The following FGFR1OP2 variants were observed in gnomAD, a reference collection of about 807,000 sequenced individuals.
FGFR1OP2 encodes the protein FGFR1 oncogene partner 2, also known as fibroblast growth factor receptor 1 oncogene partner 2.
A neutral mutation model predicts 35.2 loss-of-function variants in FGFR1OP2; 17 were observed. The observed-to-expected ratio is 0.48, with a 90% CI of 0.33 to 0.73. The LOEUF is 0.73. Among genes scored for constraint, FGFR1OP2 ranks in the 30% least tolerant of loss-of-function variants. The pLI, the probability that FGFR1OP2 is intolerant of heterozygous loss-of-function variation, is 0.02. For synonymous variants in FGFR1OP2, 105 were observed against 104.6 expected (o/e 1.00, Z -0.03); for missense variants, 251 against 307.3 (o/e 0.82, Z 1.37).
chr12:26,939,675 C>G (rs894396090), intron 1 of FGFR1OP2, among the ~76,000 whole-genome samples: 3 of 152,200 alleles, frequency 2.0e-5, no homozygotes, highest in Admixed American at 1.3e-4. Context: ...GCATTTGAAA[C>G]TTTTCTTCTG....
intron 1 of FGFR1OP2, among the ~76,000 whole-genome samples, chr12:26,950,411 A>G (rs2136352716): frequency 6.6e-6 from 1 of 151,434 alleles, no homozygotes; most frequent in Middle Eastern, 3.4e-3. Context: ...TATTTTTAGT[A>G]GAGACGGAGT....
At chr12:26,957,951 C>A in intron 4 of FGFR1OP2, 1 of 414,038 alleles carries the variant, frequency 2.4e-6, no homozygotes, top group Non-Finnish European at 4.2e-6. Flanking sequence ...TTTATAAACT[C>A]TCACTGTTTC....
chr12:26,942,008 T>C (rs1938742566), intron 1 of FGFR1OP2, among the ~76,000 whole-genome samples: 1 of 152,184 alleles, frequency 6.6e-6, no homozygotes, highest in African/African-American at 2.4e-5. Flanking sequence ...TTTCCTTGCT[T>C]TGTGGTGCTG....
intron 1 of FGFR1OP2, among the ~76,000 whole-genome samples, chr12:26,951,456 A>G (rs1254942548): frequency 6.6e-6 from 1 of 152,182 alleles, no homozygotes; most frequent in Non-Finnish European, 1.5e-5. Context: ...AGTAGCTGGT[A>G]TCACAGGTGT....
intron 1 of FGFR1OP2, among the ~76,000 whole-genome samples, chr12:26,946,856 T>C (rs1938832252): frequency 6.6e-6 from 1 of 152,216 alleles, no homozygotes; most frequent in African/African-American, 2.4e-5. Flanking sequence ...CCCTCAGTCC[T>C]AGACATCCAC....
intron 1 of FGFR1OP2, among the ~76,000 whole-genome samples, chr12:26,943,048 A>AT (rs747909833): frequency 6.6e-6 from 1 of 152,000 alleles, no homozygotes; most frequent in Non-Finnish European, 1.5e-5. Flanking sequence ...ATTTTCTCTT[A>AT]TTTTTTTCCT....
rs570670515 is a variant in FGFR1OP2, at chr12:26,956,081, G to A, written c.136-462G>A. ...AGCATTAGTGTATTTTATGTGCAGC[G>A]TGATAATTCTTCTTCCGATGTGCCC... On this transcript the variant is annotated intron_variant, in intron 2 of 6. Transcript: ENST00000229395. 7.9e-5 allele frequency among the ~76,000 whole-genome samples: 12 copies of A among 152,056 alleles called. No individual in the cohort carries two copies. The South Asian group carries it at 1.9e-3, about 24-fold the overall frequency.
chr12:26,944,945 T>C (rs1402675086), intron 1 of FGFR1OP2, among the ~76,000 whole-genome samples: 1 of 152,152 alleles, frequency 6.6e-6, no homozygotes, highest in Non-Finnish European at 1.5e-5. Flanking sequence ...TTATGTAGTT[T>C]GTGTTTTTTG....
At chr12:26,947,538 C>T (rs934078376) in intron 1 of FGFR1OP2, among the ~76,000 whole-genome samples, 2 of 152,234 alleles carry the variant, frequency 1.3e-5, no homozygotes, top group South Asian at 2.1e-4. Context: ...TGTGCCACCA[C>T]ACCCAGCTAA....
At chr12:26,955,774 A>G (rs867205006) in intron 2 of FGFR1OP2, among the ~76,000 whole-genome samples, 6 of 152,244 alleles carry the variant, frequency 3.9e-5, no homozygotes, top group African/African-American at 1.2e-4. Flanking sequence ...ATATGCTGCT[A>G]TGAATATTTG....
chr12:26,964,853 C>CCTG lies in FGFR1OP2; in HGVS notation c.*120_*121insCTG. 9.8e-7 allele frequency: 1 copy of CCTG among 1,021,604 alleles called. No homozygotes were observed. The highest frequency in any genetic ancestry group is 2.0e-5 in the South Asian group (1 of 50,914). 63.3% of individuals were successfully genotyped at this position (1,021,604 alleles called of 1,614,324 possible). A position where few individuals can be genotyped will look rare whatever the true frequency, so the allele number is the denominator to read the frequency against. ...TCTGTAAATATGTACAGTGCACGGG[C>CCTG]TATGAGATAGCAACAAAAAATGCAT... On this transcript the variant is annotated 3_prime_UTR_variant, in exon 7 of 7. Coordinates refer to ENST00000229395, the MANE Select transcript of FGFR1OP2 (RefSeq NM_015633.3).
chr12:26,962,250 G>A (rs1196505787), intron 5 of FGFR1OP2: 1 of 152,180 alleles, frequency 6.6e-6, no homozygotes, highest in Non-Finnish European at 1.5e-5. Context: ...CCCATGAAAA[G>A]GACCTACATT....
chr12:26,955,380 T>C (rs1247414437), intron 2 of FGFR1OP2, among the ~76,000 whole-genome samples: 1 of 152,256 alleles, frequency 6.6e-6, no homozygotes, highest in East Asian at 1.9e-4. Flanking sequence ...GTACAGTTCA[T>C]TGGATTTTAG....
rs191273972 is a variant in FGFR1OP2, at chr12:26,939,258, G to A, written c.-15+548G>A. On this transcript the variant is annotated intron_variant, in intron 1 of 6. Transcript: ENST00000229395. ...ATTATTTTTTTTTTCGCCAGAATTA[G>A]TGCGGTTGCCCCCTCTGCCCCCCGC... is the stretch of plus-strand genomic sequence containing the variant. 5.7e-4 allele frequency among the ~76,000 whole-genome samples: 86 copies of A among 151,226 alleles called. 1 individual carries two copies. In the Middle Eastern group the frequency reaches 0.01, roughly 18 times the overall value.
At chr12:26,945,766 C>A (rs1442454695) in intron 1 of FGFR1OP2, among the ~76,000 whole-genome samples, 1 of 150,504 alleles carries the variant, frequency 6.6e-6, no homozygotes, top group South Asian at 2.1e-4. Context: ...GAGGCTGAGG[C>A]AGGAGAACCG....
At position 26,949,231 on chromosome 12, in the gene FGFR1OP2, G is replaced by A. The variant is rs185457264; in HGVS notation, c.-14-4914G>A. On this transcript the variant is annotated intron_variant, in intron 1 of 6. Coordinates refer to ENST00000229395, the MANE Select transcript of FGFR1OP2 (RefSeq NM_015633.3). ...GCTCACTGCAACCTCCACCTCCCAG[G>A]TACAAGCGATTCTCCTGTCTTGGCC... Among the ~76,000 whole-genome samples the A allele has an allele frequency of 2.0e-4, 30 of 152,116 alleles. No individual in the cohort carries two copies. The East Asian group carries it at 2.7e-3, about 14-fold the overall frequency.
rs374908671 is a variant in FGFR1OP2, at chr12:26,964,732, G to A, written c.761G>A (p.Ter254=). The A allele has an allele frequency of 3.7e-6, 6 of 1,609,774 alleles. No homozygotes were observed. ...AGTGATTTGAGTCTGAGGAAGAGCT[G>A]AAGAGTTTCTGAGTCTGTGAGCTTC... ...TNSDLSLRKS[*] is the part of the protein sequence containing the mutation. Residue 254 remains the stop codon, a stop_retained_variant, in exon 7 of 7, where the codon TGA becomes TAA. Transcript: ENST00000229395.
In FGFR1OP2 at chr12:26,956,532, T is replaced by TC. The variant is rs1412224432; in HGVS notation, c.136-6dup. 7.2e-7 allele frequency: 1 copy of TC among 1,391,858 alleles called. No homozygotes were observed. Among genetic ancestry groups the TC allele is most frequent in the African/African-American group, 1.5e-5 (1 of 68,802 alleles). 86.2% of individuals were successfully genotyped at this position (1,391,858 alleles called of 1,614,324 possible). A position where few individuals can be genotyped will look rare whatever the true frequency, so the allele number is the denominator to read the frequency against. On this transcript the variant is annotated splice_polypyrimidine_tract_variant and intron_variant, in intron 2 of 6. Transcript: ENST00000229395. The stretch of plus-strand genomic sequence containing the variant: ...GGTATTTTCATCCCACATGTTTTTC[T>TC]CCCCCATTAGTATCAGGAAGAAATT...
rs1235641794 is a variant in FGFR1OP2 at position 26,964,586 on chromosome 12, T to G, written c.625-10T>G. On this transcript the variant is annotated splice_polypyrimidine_tract_variant and intron_variant, in intron 6 of 6. Transcript: ENST00000229395. ...TAGTGACTGCATCTTTGTTTTTGCT[T>G]GCCTTTTAGCAAGAAAACAAAGGCT... 1 of 1,608,710 alleles carries G rather than the reference T, an allele frequency of 6.2e-7. No homozygotes were observed. Among genetic ancestry groups the G allele is most frequent in the Admixed American group, 1.7e-5 (1 of 59,836 alleles).
Sources: allele counts gnomAD v4.1 joint callset (sites outside exome capture counted in the v4.1 genomes callset), GRCh38; gene constraint gnomAD v4.1.1; transcripts MANE v1.5; gene names NCBI Gene and HGNC (gene_info 2026-07-23, HGNC 2026-07-21).